The following ERG variants were observed in gnomAD, a reference collection of about 807,000 sequenced individuals.
The protein encoded by ERG is ETS transcription factor ERG, also known as transcriptional regulator ERG.
In ERG, 9 loss-of-function variants were observed where a neutral mutation model predicts 55.3. That is an observed-to-expected ratio of 0.16 (90% confidence interval 0.10 to 0.28). The LOEUF (loss-of-function observed/expected upper bound fraction) is 0.28, where lower values mean the gene tolerates loss of function less well. Ranked by LOEUF, ERG falls within the 10% of genes least tolerant of loss-of-function variation. The pLI, the probability that ERG is intolerant of heterozygous loss-of-function variation, is 1.00. For missense variants in ERG, 434 were observed against 631.6 expected, an observed-to-expected ratio of 0.69 and a Z score of 3.35; for synonymous variants, 223 against 237.3, an observed-to-expected ratio of 0.94 and a Z score of 0.55.
Position 38,406,957 on chromosome 21 carries a change from T to C in ERG, c.389-3248A>G, listed in dbSNP as rs551083051. Among the ~76,000 whole-genome samples, 4 of 152,336 alleles carry C rather than the reference T, an allele frequency of 2.6e-5. No homozygotes were observed. The East Asian group carries it at 7.7e-4, about 29-fold the overall frequency. ...AAGTCCTCAACCTGTATTGTACTTA[T>C]CTCTACAAGTCTCACTTTGAGTTGG... On this transcript the variant is annotated intron_variant, in intron 3 of 9. Coordinates refer to ENST00000288319, the MANE Select transcript of ERG (RefSeq NM_182918.4).
intron 2 of ERG, among the ~76,000 whole-genome samples, chr21:38,428,028 C>G (rs535536639): frequency 6.6e-6 from 1 of 151,648 alleles, no homozygotes; most frequent in Non-Finnish European, 1.5e-5. Flanking sequence ...ACAAAAAATA[C>G]AAAAATTAGT....
chr21:38,581,427 C>T (rs1020056028), intron 1 of ERG, among the ~76,000 whole-genome samples: 3 of 152,178 alleles, frequency 2.0e-5, no homozygotes, highest in Non-Finnish European at 4.4e-5. Flanking sequence ...CATGGAGCTC[C>T]TAAAACTCTG....
chr21:38,608,757 G>C (rs2060209843), intron 1 of ERG, among the ~76,000 whole-genome samples: 1 of 152,074 alleles, frequency 6.6e-6, no homozygotes, highest in Non-Finnish European at 1.5e-5. Flanking sequence ...CAGTGGGGTG[G>C]GAGCAAAGGG....
intron 2 of ERG, among the ~76,000 whole-genome samples, chr21:38,546,217 T>C (rs188635511): frequency 3.3e-5 from 5 of 152,332 alleles, no homozygotes; most frequent in African/African-American, 4.8e-5. Flanking sequence ...TAAAATCCCA[T>C]TGAAGTTTTT....
At chr21:38,467,598 G>C (rs2059102311) in intron 1 of ERG, among the ~76,000 whole-genome samples, 1 of 152,154 alleles carries the variant, frequency 6.6e-6, no homozygotes, top group Non-Finnish European at 1.5e-5. Context: ...TTCTGTAACT[G>C]TACATGTGCT....
At chr21:38,500,249 T>G (rs138318723), upstream of ERG, among the ~76,000 whole-genome samples, 45 of 152,328 alleles carry the variant, frequency 3.0e-4, no homozygotes, top group African/African-American at 1.1e-3. Flanking sequence ...TTAAATAAGA[T>G]GAACGCTTTG....
At chr21:38,578,903 A>G (rs1474908433) in intron 1 of ERG, among the ~76,000 whole-genome samples, 1 of 152,204 alleles carries the variant, frequency 6.6e-6, no homozygotes, top group Non-Finnish European at 1.5e-5. Context: ...ATCTTCGTTA[A>G]AATTTTTCTA....
chr21:38,446,009 A>T (rs925874066), intron 1 of ERG, among the ~76,000 whole-genome samples: 1 of 151,910 alleles, frequency 6.6e-6, no homozygotes, highest in African/African-American at 2.4e-5. Flanking sequence ...ATGAGGATTA[A>T]AAAAAAGAAA....
At chr21:38,559,490 A>G (rs1366197542) in intron 2 of ERG, among the ~76,000 whole-genome samples, 1 of 149,872 alleles carries the variant, frequency 6.7e-6, no homozygotes, top group Non-Finnish European at 1.5e-5. Flanking sequence ...GGCCAGCACG[A>G]TTTAGTCATT....
chr21:38,613,867 C>T (rs966343100), intron 1 of ERG, among the ~76,000 whole-genome samples: 8 of 152,306 alleles, frequency 5.3e-5, no homozygotes, highest in Admixed American at 3.3e-4. Flanking sequence ...CCTCTTCAGC[C>T]GGCCCCTGCC....
chr21:38,400,690 G>T lies in ERG; in HGVS notation c.674-45C>A, dbSNP rs372625939. The T allele has an allele frequency of 5.3e-5, 78 of 1,479,236 alleles. No homozygotes were observed. In the African/African-American group the frequency reaches 1.0e-3, roughly 19 times the overall value. 91.6% of individuals were successfully genotyped at this position (1,479,236 alleles called of 1,614,324 possible). On this transcript the variant is annotated intron_variant, in intron 5 of 9. Coordinates refer to ENST00000288319, the MANE Select transcript of ERG (RefSeq NM_182918.4). ...CAAACATGTGAAGGTCTTTTGTTGTGGTTGTCGATCTCAACATCAGCGCCA... is the reference window on the plus strand; with the variant it reads ...CAAACATGTGAAGGTCTTTTGTTGTTGTTGTCGATCTCAACATCAGCGCCA...
chr21:38,411,717 T>C (rs1989062837), intron 3 of ERG, among the ~76,000 whole-genome samples: 1 of 152,204 alleles, frequency 6.6e-6, no homozygotes, highest in African/African-American at 2.4e-5. Flanking sequence ...TTCTCTAATT[T>C]GGGAGTACAG....
rs553958098 is a variant in ERG at position 38,460,226 on chromosome 21, C to A, written c.19-14605G>T. 2.0e-5 allele frequency among the ~76,000 whole-genome samples: 3 copies of A among 151,964 alleles called. No individual in the cohort carries two copies. The highest frequency in any genetic ancestry group is 4.2e-4 in the South Asian group (2 of 4,814). ...GGGAGGAGGGGTTACTGGAAAGGAG[C>A]GAAAGAAAGAACCAGGAGGTGAACC... On this transcript the variant is annotated intron_variant, in intron 1 of 9. Transcript: ENST00000288319. This position sits in a 1 kb window ranked among gnomAD's most constrained non-coding sequence, Gnocchi z 5.0.
intron 1 of ERG, among the ~76,000 whole-genome samples, chr21:38,613,596 T>G (rs953192667): frequency 6.6e-6 from 1 of 152,192 alleles, no homozygotes; most frequent in Non-Finnish European, 1.5e-5. Context: ...TGCTCGCCGC[T>G]CACTGTGAAG....
At chr21:38,466,139 T>C (rs1200107391) in intron 1 of ERG, among the ~76,000 whole-genome samples, 1 of 152,212 alleles carries the variant, frequency 6.6e-6, no homozygotes, top group Non-Finnish European at 1.5e-5. Context: ...TTTAATGTTA[T>C]ATTGAAATAA....
intron 1 of ERG, among the ~76,000 whole-genome samples, chr21:38,599,346 G>C (rs1272239229): frequency 6.6e-6 from 1 of 152,144 alleles, no homozygotes. Flanking sequence ...CACACACAGG[G>C]ATGTCACCCT....
At chr21:38,500,045 C>T (rs1055909975), upstream of ERG, among the ~76,000 whole-genome samples, 3 of 151,924 alleles carry the variant, frequency 2.0e-5, no homozygotes, top group Non-Finnish European at 4.4e-5. Context: ...TCTGTTTCCC[C>T]GAAAATTTCA....
chr21:38,644,979 A>C (rs1220539132), intron 1 of ERG, among the ~76,000 whole-genome samples: 1 of 152,116 alleles, frequency 6.6e-6, no homozygotes, highest in Non-Finnish European at 1.5e-5. Context: ...CAACACAGCG[A>C]GACCCCATCT....
chr21:38,625,972 G>C (rs1355384971), intron 1 of ERG, among the ~76,000 whole-genome samples: 1 of 144,912 alleles, frequency 6.9e-6, no homozygotes, highest in Non-Finnish European at 1.5e-5. Context: ...GCCCAGGCTG[G>C]AGTGCAGTGG....
Sources: allele counts gnomAD v4.1 joint callset (sites outside exome capture counted in the v4.1 genomes callset), GRCh38; gene constraint gnomAD v4.1.1; non-coding constraint Gnocchi (gnomAD v3.1); transcripts MANE v1.5; gene names NCBI Gene and HGNC (gene_info 2026-07-23, HGNC 2026-07-21).